ZCWPW2: variants seen among roughly 807,000 people sequenced by gnomAD.
The protein encoded by ZCWPW2 is zinc finger CW-type PWWP domain protein 2.
A neutral mutation model predicts 46.6 loss-of-function variants in ZCWPW2; 45 were observed. The observed-to-expected ratio is 0.96, with a 90% CI of 0.76 to 1.24. ZCWPW2 has a LOEUF of 1.24. Ranked by LOEUF, ZCWPW2 falls within the 50% of genes most tolerant of loss-of-function variation. The probability of loss-of-function intolerance (pLI) is 0.00; values close to 1 mark genes in which losing one functional copy is unlikely to be tolerated. For synonymous variants in ZCWPW2, 152 were observed against 137.1 expected (o/e 1.11, Z -0.76); for missense variants, 429 against 403.9 (o/e 1.06, Z -0.53).
chr3:28,465,342 T>G (rs1282280171), intron 4 of ZCWPW2, among the ~76,000 whole-genome samples: 2 of 152,208 alleles, frequency 1.3e-5, no homozygotes, highest in Non-Finnish European at 2.9e-5. Context: ...ATGCTGAGTC[T>G]TTGCTTCTTT....
At chr3:28,503,717 ATTCAAG>A (rs1189267030) in intron 6 of ZCWPW2, among the ~76,000 whole-genome samples, 16 of 152,066 alleles carry the variant, frequency 1.1e-4, no homozygotes, top group African/African-American at 3.9e-4. Context: ...TTATAGCAGA[ATTCAAG>A]CCTACGGTTT....
chr3:28,435,180 G>A lies in ZCWPW2; in HGVS notation c.403G>A (p.Glu135Lys), dbSNP rs1697430355. The A allele has an allele frequency of 6.2e-7, 1 of 1,613,608 alleles. No homozygotes were observed. The highest frequency in any genetic ancestry group is 1.7e-5 in the Admixed American group (1 of 59,866). ...YVTYDPDGNV[E>K]EYHIEFLGDP... is the part of the protein sequence containing the mutation. ...AACTTATGACCCGGATGGAAATGTT[G>A]AAGAGTATCACATAGAATTCCTGGG... Residue 135 changes from glutamate (E) to lysine (K), a missense_variant, in exon 4 of 10, where the codon GAA becomes AAA. Physicochemically the swap from Glu to Lys is moderately conservative, Grantham distance 56. Coordinates refer to ENST00000383768, the MANE Select transcript of ZCWPW2 (RefSeq NM_001040432.4).
At chr3:28,435,344 A>C (rs1002904041) in intron 4 of ZCWPW2, 75 bp downstream of exon 4, 1 of 1,435,846 alleles carries the variant, frequency 7.0e-7, no homozygotes. Flanking sequence ...CTTTGATCAT[A>C]AAATATGTAT....
intron 1 of ZCWPW2, among the ~76,000 whole-genome samples, chr3:28,366,744 T>C (rs1705132593): frequency 6.6e-6 from 1 of 152,242 alleles, no homozygotes; most frequent in Non-Finnish European, 1.5e-5. Context: ...GTACCTCTGG[T>C]AGAATTCGGC....
At chr3:28,467,378 G>A (rs996450561) in intron 4 of ZCWPW2, among the ~76,000 whole-genome samples, 4 of 151,914 alleles carry the variant, frequency 2.6e-5, no homozygotes, top group African/African-American at 9.7e-5. Flanking sequence ...GTAAGAAAAA[G>A]ACCATTATAC....
chr3:28,489,148 T>C (rs1699711315), intron 5 of ZCWPW2, among the ~76,000 whole-genome samples: 1 of 152,146 alleles, frequency 6.6e-6, no homozygotes, highest in South Asian at 2.1e-4. Flanking sequence ...GAATGAGGTA[T>C]ATTTTGACAG....
At position 28,412,573 on chromosome 3, in the gene ZCWPW2, C is replaced by T. The variant is rs7434193; in HGVS notation, c.-13-483C>T. On this transcript the variant is annotated intron_variant, in intron 2 of 9. Transcript: ENST00000383768. ...CTCTACTGTGTACCAGTTCCAGGAC[C>T]TGAGACAAATTGCTTTACATTTCTT... Among the ~76,000 whole-genome samples the T allele has an allele frequency of 4.6e-5, 7 of 151,832 alleles. No homozygotes were observed. In the East Asian group the frequency reaches 1.4e-3, roughly 29 times the overall value.
At chr3:28,474,031 T>C (rs1032539666) in intron 4 of ZCWPW2, among the ~76,000 whole-genome samples, 2 of 152,220 alleles carry the variant, frequency 1.3e-5, no homozygotes, top group Middle Eastern at 3.2e-3. Flanking sequence ...ATAATTGGAT[T>C]GTTTGTAACA....
At chr3:28,498,238 C>CAT (rs1553642552) in intron 6 of ZCWPW2, among the ~76,000 whole-genome samples, 1 of 145,488 alleles carries the variant, frequency 6.9e-6, no homozygotes, top group African/African-American at 2.5e-5. Context: ...TACATATATA[C>CAT]GTGTGTGTGT....
Position 28,348,892 on chromosome 3 carries a change from G to A in ZCWPW2, c.-445G>A. On this transcript the variant is annotated 5_prime_UTR_variant, in exon 1 of 10. Transcript: ENST00000383768. ...GCCCGTTACCCAGCAATACGCGCGC[G>A]AGACCCAGGCCCGCCGTCGGGACCA... 1.0e-6 allele frequency: 1 copy of A among 952,704 alleles called. No homozygotes were observed. 59.0% of individuals were successfully genotyped at this position (952,704 alleles called of 1,614,324 possible).
intron 1 of ZCWPW2, among the ~76,000 whole-genome samples, chr3:28,372,553 A>AT (rs1209564416): frequency 2.0e-5 from 3 of 152,212 alleles, no homozygotes; most frequent in Non-Finnish European, 2.9e-5. Flanking sequence ...ATATTAATAC[A>AT]TTTTGAAGTA....
At chr3:28,455,255 A>G (rs1189903662) in intron 4 of ZCWPW2, among the ~76,000 whole-genome samples, 1 of 152,172 alleles carries the variant, frequency 6.6e-6, no homozygotes, top group Admixed American at 6.5e-5. Flanking sequence ...ACTTGTTTTC[A>G]TATGCTTGTT....
intron 3 of ZCWPW2, among the ~76,000 whole-genome samples, chr3:28,431,964 G>A (rs1241040977): frequency 6.6e-6 from 1 of 152,176 alleles, no homozygotes; most frequent in African/African-American, 2.4e-5. Context: ...GCAAGGAGAA[G>A]TGCTGAGCAA....
chr3:28,434,388 A>T (rs115821533), intron 3 of ZCWPW2, among the ~76,000 whole-genome samples: 1 of 152,230 alleles, frequency 6.6e-6, no homozygotes. Context: ...TAGAATGGGT[A>T]AAAGTGGGAA....
At chr3:28,355,838 A>C (rs1261334116) in intron 1 of ZCWPW2, among the ~76,000 whole-genome samples, 1 of 152,254 alleles carries the variant, frequency 6.6e-6, no homozygotes, top group Non-Finnish European at 1.5e-5. Flanking sequence ...CACCTTGTAC[A>C]AAAATTAATT....
intron 3 of ZCWPW2, among the ~76,000 whole-genome samples, chr3:28,430,843 A>G (rs967835831): frequency 1.3e-5 from 2 of 152,108 alleles, no homozygotes; most frequent in Non-Finnish European, 2.9e-5. Flanking sequence ...GTGAAGAAGG[A>G]CATGTTTGCT....
At chr3:28,351,453 A>G (rs1704546016) in intron 1 of ZCWPW2, 1 of 151,588 alleles carries the variant, frequency 6.6e-6, no homozygotes, top group Admixed American at 6.6e-5. Flanking sequence ...GGGCCCTAGT[A>G]CAACTTCTGA....
chr3:28,423,025 A>T (rs9825743), intron 3 of ZCWPW2, among the ~76,000 whole-genome samples: 149,159 of 152,258 alleles, frequency 0.98, 73,077 homozygotes, highest in East Asian at 1. Context: ...CTGTTCAGAT[A>T]TTTTGCGCAT....
intron 9 of ZCWPW2, among the ~76,000 whole-genome samples, chr3:28,523,719 A>C (rs961101830): frequency 3.9e-5 from 6 of 152,186 alleles, no homozygotes; most frequent in Admixed American, 2.0e-4. Context: ...ATAGATAATC[A>C]AAACTCATTT....
Sources: allele counts gnomAD v4.1 joint callset (sites outside exome capture counted in the v4.1 genomes callset), GRCh38; gene constraint gnomAD v4.1.1; transcripts MANE v1.5; gene names NCBI Gene and HGNC (gene_info 2026-07-23, HGNC 2026-07-21).